The following KIF26B variants were observed in gnomAD, a reference collection of about 807,000 sequenced individuals.
KIF26B encodes the protein kinesin-like protein KIF26B.
KIF26B carries 63 observed loss-of-function variants against 151.2 expected under a neutral mutation model. The ratio of observed to expected loss-of-function variants is 0.42; its 90% confidence interval spans 0.34 to 0.51. The LOEUF (loss-of-function observed/expected upper bound fraction) is 0.51. Among genes scored for constraint, KIF26B ranks in the 20% least tolerant of loss-of-function variants. The pLI is 0.07. For synonymous variants in KIF26B, 1,357 were observed against 1,262.1 expected, an observed-to-expected ratio of 1.08 and a Z score of -1.59; for missense variants, 2,813 against 2,913.6, an observed-to-expected ratio of 0.97 and a Z score of 0.79.
Position 245,708,790 on chromosome 1 carries a change from T to A in KIF26B, c.*6184T>A, listed in dbSNP as rs1169100842. On this transcript the variant is annotated 3_prime_UTR_variant, in exon 15 of 15. Coordinates refer to ENST00000407071, the MANE Select transcript of KIF26B (RefSeq NM_018012.4). ...GATGATCTTTGTGGTTCCTTCAAGC[T>A]CTGGATCTCTAATTCCATGATTAGT... The A allele has an allele frequency of 6.6e-6, 1 of 152,234 alleles. No homozygotes were observed. Among genetic ancestry groups the A allele is most frequent in the Admixed American group, 6.5e-5 (1 of 15,282 alleles). The allele number at this position is 152,234 out of a possible 1,614,324, so 9.4% of individuals were successfully genotyped here.
At position 245,605,558 on chromosome 1, in the gene KIF26B, G is replaced by A. The variant is rs559968646; in HGVS notation, c.1558-2093G>A. Among the ~76,000 whole-genome samples the A allele has an allele frequency of 1.1e-4, 17 of 152,306 alleles. No homozygotes were observed. The South Asian group carries it at 2.5e-3, about 22-fold the overall frequency. On this transcript the variant is annotated intron_variant, in intron 6 of 14. Transcript: ENST00000407071. ...TGACCCTTCAGTGGCTTCGGCAGTC[G>A]CTGGCTGCCCCTGTTGGGACACGTC... is the stretch of plus-strand genomic sequence containing the variant.
At chr1:245,451,228 A>C (rs1659382583) in intron 4 of KIF26B, among the ~76,000 whole-genome samples, 1 of 152,166 alleles carries the variant, frequency 6.6e-6, no homozygotes, top group Non-Finnish European at 1.5e-5. Flanking sequence ...TTTAGGCCAT[A>C]AATGTCCCAC....
intron 4 of KIF26B, among the ~76,000 whole-genome samples, chr1:245,464,606 G>A (rs969466509): frequency 2.7e-5 from 4 of 147,262 alleles, no homozygotes; most frequent in African/African-American, 5.3e-5. Flanking sequence ...TGTGCTGTGC[G>A]TGTGGGTGTG....
intron 2 of KIF26B, among the ~76,000 whole-genome samples, chr1:245,344,083 GCCTC>G (rs60727364): frequency 9.8e-4 from 146 of 148,776 alleles, no homozygotes; most frequent in Admixed American, 3.0e-3. Context: ...CTGCCTCGCT[GCCTC>G]CCTCCCTCCC....
intron 9 of KIF26B, among the ~76,000 whole-genome samples, chr1:245,643,918 A>G (rs1307715150): frequency 6.6e-6 from 1 of 151,970 alleles, no homozygotes; most frequent in East Asian, 1.9e-4. Flanking sequence ...GCTCTTTTCA[A>G]GATTTTTCTT....
intron 5 of KIF26B, among the ~76,000 whole-genome samples, chr1:245,548,884 C>T (rs1572119759): frequency 6.6e-6 from 1 of 152,120 alleles, no homozygotes; most frequent in African/African-American, 2.4e-5. Context: ...GCTGAGATTA[C>T]AGGCACCCGC....
intron 4 of KIF26B, among the ~76,000 whole-genome samples, chr1:245,485,708 G>A (rs1660267682): frequency 6.6e-6 from 1 of 152,058 alleles, no homozygotes; most frequent in Non-Finnish European, 1.5e-5. Flanking sequence ...AATGCTGCAT[G>A]TGAAGGTAAC....
chr1:245,184,335 T>G (rs1262628352), intron 2 of KIF26B, among the ~76,000 whole-genome samples: 1 of 152,064 alleles, frequency 6.6e-6, no homozygotes, highest in Admixed American at 6.6e-5. Flanking sequence ...TAAAACATCT[T>G]GGACATATTG....
intron 2 of KIF26B, among the ~76,000 whole-genome samples, chr1:245,261,328 TC>T (rs1316278019): frequency 6.6e-6 from 1 of 151,908 alleles, no homozygotes; most frequent in East Asian, 1.9e-4. Context: ...ACAGGGTTTC[TC>T]CATGTTGGTC....
rs1308783663 is a variant in KIF26B at position 245,304,691 on chromosome 1, GTCCATCCC to G, written c.466-62135_466-62128del. Among the ~76,000 whole-genome samples, 616 of 136,064 alleles carry G rather than the reference GTCCATCCC, an allele frequency of 4.5e-3. 6 individuals carry two copies. Among genetic ancestry groups the G allele is most frequent in the African/African-American group, 0.015 (589 of 38,904 alleles). 89.3% of individuals were successfully genotyped at this position (136,064 alleles called of 152,430 possible). On this transcript the variant is annotated intron_variant, in intron 2 of 14. Transcript: ENST00000407071. Reference sequence around the variant, plus strand: ...TGTCTGCCTGTCCATCCATCCATACGTCCATCCCTCCATCCATCCATCCATCCATCCAT... The same window carrying G: ...TGTCTGCCTGTCCATCCATCCATACGTCCATCCATCCATCCATCCATCCAT...
At position 245,684,368 on chromosome 1, in the gene KIF26B, C is replaced by G; in HGVS notation, c.2394C>G (p.Val798=). The change falls in exon 11 of 15, where the codon GTC becomes GTG. Residue 798 remains valine, a synonymous_variant. Transcript: ENST00000407071. ...CCACCATCCAGATTGCATCGAGAGT[C>G]TTGAGGATGAAGAAAAAGAAGACGA... ...TLSTIQIASR[V]LRMKKKKTKY... 6.2e-7 allele frequency: 1 copy of G among 1,612,610 alleles called. No individual in the cohort carries two copies.
intron 5 of KIF26B, among the ~76,000 whole-genome samples, chr1:245,562,255 T>G (rs963511875): frequency 3.3e-5 from 5 of 152,160 alleles, no homozygotes; most frequent in African/African-American, 9.7e-5. Flanking sequence ...AAATTCGGTT[T>G]GTGGCTTTAA....
chr1:245,348,173 C>G (rs1012618730), intron 2 of KIF26B, among the ~76,000 whole-genome samples: 1 of 152,158 alleles, frequency 6.6e-6, no homozygotes, highest in Non-Finnish European at 1.5e-5. Flanking sequence ...TTCTCAATAC[C>G]TTGTGCTGGT....
intron 5 of KIF26B, among the ~76,000 whole-genome samples, chr1:245,586,777 T>C (rs918524196): frequency 1.1e-4 from 17 of 151,146 alleles, no homozygotes; most frequent in Admixed American, 9.2e-4. Flanking sequence ...TCCCAGCTAC[T>C]CGGGAGGCTG....
At chr1:245,508,962 A>C (rs918277917) in intron 4 of KIF26B, among the ~76,000 whole-genome samples, 13 of 152,228 alleles carry the variant, frequency 8.5e-5, no homozygotes, top group African/African-American at 2.9e-4. Context: ...GAAACATTTA[A>C]AGTGTTTCTT....
chr1:245,355,595 C>CAAA (rs34799952), intron 2 of KIF26B, among the ~76,000 whole-genome samples: 5 of 74,816 alleles, frequency 6.7e-5, no homozygotes, highest in Non-Finnish European at 1.4e-4. Context: ...GACCCTGTCT[C>CAAA]AAAAAAAAAA....
At chr1:245,305,635 T>G (rs1671521071) in intron 2 of KIF26B, among the ~76,000 whole-genome samples, 1 of 152,110 alleles carries the variant, frequency 6.6e-6, no homozygotes, top group Non-Finnish European at 1.5e-5. Flanking sequence ...CCTTATACAT[T>G]GCTGTTGAAA....
chr1:245,569,416 T>A (rs1395166168), intron 5 of KIF26B, among the ~76,000 whole-genome samples: 1 of 152,026 alleles, frequency 6.6e-6, no homozygotes, highest in African/African-American at 2.4e-5. Context: ...AAGACAAGCC[T>A]GGGCAACATG....
chr1:245,618,722 A>G (rs10737773), intron 9 of KIF26B, among the ~76,000 whole-genome samples: 84,106 of 121,936 alleles, frequency 0.69, 28,424 homozygotes, highest in East Asian at 0.89. Flanking sequence ...TGTGTCTGCT[A>G]CGTGCTGTTG....
Sources: gnomAD v4.1 joint callset for allele counts (sites outside exome capture counted in the v4.1 genomes callset) on GRCh38, gnomAD v4.1.1 for gene constraint, MANE v1.5 for transcripts, NCBI Gene and HGNC (gene_info 2026-07-23, HGNC 2026-07-21) for gene names.